The following LRRC4B variants were observed in gnomAD, a reference collection of about 807,000 sequenced individuals.
The protein encoded by LRRC4B is leucine rich repeat containing 4B, also known as leucine-rich repeat-containing protein 4B.
In LRRC4B, 1 loss-of-function variant was observed where a neutral mutation model predicts 7.3. That is an observed-to-expected ratio of 0.14 (90% CI 0.05 to 0.65). The LOEUF (loss-of-function observed/expected upper bound fraction) is 0.65. Ranked by LOEUF, LRRC4B falls within the 30% of genes least tolerant of loss-of-function variation. LRRC4B has a pLI of 0.84. For missense variants in LRRC4B, 730 were observed against 1,041.6 expected, an observed-to-expected ratio of 0.70 and a Z score of 4.12; for synonymous variants, 500 against 499.2, an observed-to-expected ratio of 1.00 and a Z score of -0.02.
At chr19:50,529,982 G>C (rs1568721463) in intron 2 of LRRC4B, among the ~76,000 whole-genome samples, 2 of 151,120 alleles carry the variant, frequency 1.3e-5, no homozygotes, top group African/African-American at 4.9e-5. Flanking sequence ...TTCTCAGTGG[G>C]CCCCCCCTAG....
chr19:50,546,414 A>G (rs1280691560), intron 2 of LRRC4B, among the ~76,000 whole-genome samples: 1 of 152,104 alleles, frequency 6.6e-6, no homozygotes, highest in Non-Finnish European at 1.5e-5. Flanking sequence ...GCTGTCTGGG[A>G]TGTGTCCACT....
In LRRC4B at chr19:50,518,579, G is replaced by A. The variant is rs1392769961; in HGVS notation, c.1134C>T (p.Gly378=). Residue 378 remains glycine (G), a synonymous_variant, in exon 3 of 3, where the codon GGC becomes GGT. Coordinates refer to ENST00000652263, the MANE Select transcript of LRRC4B (RefSeq NM_001080457.2). ...EPPTDLNVTE[G]MAAELKCRTG... is the part of the protein sequence containing the mutation. ...TGCGGCATTTGAGCTCGGCAGCCAT[G>A]CCCTCGGTGACGTTGAGGTCCGTGG... The A allele has an allele frequency of 1.3e-6, 2 of 1,594,218 alleles. No individual in the cohort carries two copies. The highest frequency in any genetic ancestry group is 1.7e-6 in the Non-Finnish European group (2 of 1,167,956).
Position 50,519,503 on chromosome 19 carries a change from T to C in LRRC4B, c.298-88A>G, listed in dbSNP as rs1980460245. On this transcript the variant is annotated intron_variant, in intron 2 of 2. Coordinates refer to ENST00000652263, the MANE Select transcript of LRRC4B (RefSeq NM_001080457.2). The surrounding 1 kb of genome is among the most constrained non-coding windows in gnomAD (Gnocchi z 8.1). ...AAGGTCCCGGGCGCAGGTGGGGCCG[T>C]GTGGCTGGATCTCCCGTGCTGTGCT... 16 of 1,452,420 alleles carry C rather than the reference T, an allele frequency of 1.1e-5. No individual in the cohort carries two copies. The highest frequency in any genetic ancestry group is 1.4e-5 in the African/African-American group (1 of 70,318). The allele number at this position is 1,452,420 out of a possible 1,614,324, so 90.0% of individuals were successfully genotyped here.
chr19:50,541,280 G>A (rs1252758380), intron 2 of LRRC4B, among the ~76,000 whole-genome samples: 12 of 149,926 alleles, frequency 8.0e-5, no homozygotes, highest in South Asian at 6.3e-4. Flanking sequence ...CAGGAGAATC[G>A]CTTGAACCTG....
At chr19:50,527,110 G>A (rs1568719823) in intron 2 of LRRC4B, among the ~76,000 whole-genome samples, 1 of 149,952 alleles carries the variant, frequency 6.7e-6, no homozygotes, top group Non-Finnish European at 1.5e-5. Flanking sequence ...CCGGCTTACT[G>A]CAAGCTCCGC....
chr19:50,544,929 G>A (rs984845947), intron 2 of LRRC4B, among the ~76,000 whole-genome samples: 2 of 151,980 alleles, frequency 1.3e-5, no homozygotes, highest in Admixed American at 6.6e-5. Context: ...TGGCTAACAC[G>A]GTGAAACCCT....
Position 50,517,645 on chromosome 19 carries a change from C to G in LRRC4B, c.2068G>C (p.Gly690Arg). Residue 690 changes from glycine (G) to arginine (R), a missense_variant, in exon 3 of 3, where the codon GGC becomes CGC. Physicochemically the swap from Gly to Arg is moderately radical, Grantham distance 125 (BLOSUM62 -2). Transcript: ENST00000652263. The surrounding 1 kb of genome is among the most constrained non-coding windows in gnomAD (Gnocchi z 6.6). Reference sequence around the variant, plus strand: ...AGAGGTTCGTGGATGGAGTTGAGGCCAGGCGGGCCTTTGCCCCCGCAGCCC... The same window carrying G: ...AGAGGTTCGTGGATGGAGTTGAGGCGAGGCGGGCCTTTGCCCCCGCAGCCC... ...GGGCGGKGPP[G>R]LNSIHEPLLF... 1 of 1,501,666 alleles carries G rather than the reference C, an allele frequency of 6.7e-7. No homozygotes were observed. The highest frequency in any genetic ancestry group is 8.9e-7 in the Non-Finnish European group (1 of 1,129,366). 93.0% of individuals were successfully genotyped at this position (1,501,666 alleles called of 1,614,324 possible).
intron 2 of LRRC4B, among the ~76,000 whole-genome samples, chr19:50,522,931 AAG>A (rs1316615701): frequency 6.6e-6 from 1 of 152,258 alleles, no homozygotes; most frequent in African/African-American, 2.4e-5. Context: ...ATCAGACCTC[AAG>A]AGTTTCACAC....
rs778440248 is a variant in LRRC4B at position 50,518,915 on chromosome 19, G to A, written c.798C>T (p.Ala266=). 3.1e-6 allele frequency: 5 copies of A among 1,613,914 alleles called. No individual in the cohort carries two copies. Among genetic ancestry groups the A allele is most frequent in the Non-Finnish European group, 3.4e-6 (4 of 1,179,992 alleles). The change falls in exon 3 of 3, where the codon GCC becomes GCT. Residue 266 remains alanine, a synonymous_variant. Coordinates refer to ENST00000652263, the MANE Select transcript of LRRC4B (RefSeq NM_001080457.2). The stretch of plus-strand genomic sequence containing the variant: ...CGTCGAAGGCGTTGCGCTCGATGGT[G>A]GCTACCTGGGCGTGCATGAGCCACA... The part of the protein sequence containing the change: ...RKLWLMHAQV[A]TIERNAFDDL...
At chr19:50,524,442 T>TG (rs1980714538) in intron 2 of LRRC4B, among the ~76,000 whole-genome samples, 1 of 152,244 alleles carries the variant, frequency 6.6e-6, no homozygotes, top group Admixed American at 6.5e-5. Context: ...TTTGTAGAGA[T>TG]GGGGTCTCCC....
At chr19:50,534,412 C>A (rs1041852830) in intron 2 of LRRC4B, among the ~76,000 whole-genome samples, 10 of 152,138 alleles carry the variant, frequency 6.6e-5, no homozygotes, top group African/African-American at 2.4e-4. Context: ...TCCTCCTGCC[C>A]CCTCACCCTA....
intron 1 of LRRC4B, among the ~76,000 whole-genome samples, chr19:50,558,474 C>T (rs758519809): frequency 6.6e-6 from 1 of 152,204 alleles, no homozygotes; most frequent in Non-Finnish European, 1.5e-5. Context: ...AAACAATCCT[C>T]CTGCCTCAGC....
intron 2 of LRRC4B, among the ~76,000 whole-genome samples, chr19:50,544,369 T>C (rs1284171999): frequency 4.0e-5 from 6 of 151,628 alleles, no homozygotes; most frequent in African/African-American, 1.5e-4. Flanking sequence ...TAGCTGGGTG[T>C]GGTGGCGGGC....
Position 50,518,797 on chromosome 19 carries a change from C to T in LRRC4B, c.916G>A (p.Val306Met), listed in dbSNP as rs1980423134. 1.9e-6 allele frequency: 3 copies of T among 1,613,938 alleles called. No homozygotes were observed. Among genetic ancestry groups the T allele is most frequent in the African/African-American group, 2.7e-5 (2 of 74,918 alleles). ...LFTPLHRLER[V>M]HLNHNPWHCN... ...TGCCAGGGGTTGTGGTTGAGGTGCA[C>T]GCGCTCGAGGCGGTGCAGGGGCGTG... The change falls in exon 3 of 3, where the codon GTG (valine) becomes ATG (methionine). Residue 306 changes from valine to methionine, a missense_variant. Around this residue, in one of 6 missense-constraint regions of LRRC4B, gnomAD observed 226 missense variants for 448.0 expected, o/e 0.50. Transcript: ENST00000652263.
At chr19:50,562,746 T>G (rs1478938440) in intron 1 of LRRC4B, among the ~76,000 whole-genome samples, 3 of 150,866 alleles carry the variant, frequency 2.0e-5, no homozygotes, top group South Asian at 2.1e-4. Flanking sequence ...TTTTTTGTTT[T>G]TTTTTTTTTG....
At chr19:50,552,683 T>TCCACCCATCCGTCCATCCATCCGC (rs55739228) in intron 1 of LRRC4B, among the ~76,000 whole-genome samples, 1 of 121,354 alleles carries the variant, frequency 8.2e-6, no homozygotes, top group African/African-American at 3.6e-5. Flanking sequence ...CATCCATCCA[T>TCCACCCATCCGTCCATCCATCCGC]CCATCCGTCC....
In LRRC4B at chr19:50,558,232, C is replaced by CACACACATACATACAT. The variant is rs1555809644; in HGVS notation, c.-35-9375_-35-9360dup. ...ACACACACACACACACACACATACACACACACATACATACATACACACACA... is the reference window on the plus strand; with the variant it reads ...ACACACACACACACACACACATACACACACACATACATACATACACACATACATACATACACACACA... On this transcript the variant is annotated intron_variant, in intron 1 of 2. Coordinates refer to ENST00000652263, the MANE Select transcript of LRRC4B (RefSeq NM_001080457.2). 4.1e-5 allele frequency among the ~76,000 whole-genome samples: 6 copies of CACACACATACATACAT among 147,540 alleles called. No homozygotes were observed. The East Asian group carries it at 1.2e-3, about 29-fold the overall frequency.
Position 50,535,381 on chromosome 19 carries a change from G to T in LRRC4B, c.297+13161C>A, listed in dbSNP as rs139277164. 2.3e-3 allele frequency among the ~76,000 whole-genome samples: 346 copies of T among 151,588 alleles called. 2 individuals are homozygous for T. The highest frequency in any genetic ancestry group is 3.4e-3 in the Middle Eastern group (1 of 292). On this transcript the variant is annotated intron_variant, in intron 2 of 2. Coordinates refer to ENST00000652263, the MANE Select transcript of LRRC4B (RefSeq NM_001080457.2). ...GAGACAAGGTTTCACCAAGTTGGCC[G>T]GGCTGGTCTCCAACTCCTGACCTCA...
intron 1 of LRRC4B, 58 bp downstream of exon 1, chr19:50,567,886 C>T (rs1390594553): frequency 7.0e-6 from 1 of 143,138 alleles, no homozygotes; most frequent in East Asian, 2.2e-4. Flanking sequence ...CCCACCCACC[C>T]CCCGCGGTTC....
Sources: allele counts gnomAD v4.1 joint callset (sites outside exome capture counted in the v4.1 genomes callset), GRCh38; gene constraint gnomAD v4.1.1; regional missense constraint gnomAD v4.1.1; non-coding constraint Gnocchi (gnomAD v3.1); transcripts MANE v1.5; gene names NCBI Gene and HGNC (gene_info 2026-07-23, HGNC 2026-07-21).